SSPN: variants seen among roughly 807,000 people sequenced by gnomAD.
SSPN encodes sarcospan.
In SSPN, 15 loss-of-function variants were observed where a neutral mutation model predicts 19.1. That is an observed-to-expected ratio of 0.78 (90% confidence interval 0.52 to 1.21). The LOEUF is 1.21. Ranked by LOEUF, SSPN falls within the 50% of genes most tolerant of loss-of-function variation. The pLI is 0.00. For missense variants in SSPN, 291 were observed against 314.0 expected, an observed-to-expected ratio of 0.93 and a Z score of 0.55; for synonymous variants, 147 against 140.3, an observed-to-expected ratio of 1.05 and a Z score of -0.34.
intron 1 of SSPN, among the ~76,000 whole-genome samples, chr12:26,137,583 C>A (rs1012161905): frequency 1.4e-5 from 2 of 143,524 alleles, no homozygotes; most frequent in Non-Finnish European, 3.0e-5. Context: ...AAATATGTCA[C>A]TACCTTGAAT....
At chr12:26,195,434 C>A, upstream of SSPN, 1 of 651,612 alleles carries the variant, frequency 1.5e-6, no homozygotes, top group Non-Finnish European at 2.2e-6. Context: ...AAATCCTGCC[C>A]GGGGCCCGGC....
At chr12:26,179,918 G>GTTTTT (rs1944707903) in intron 1 of SSPN, 14 of 69,022 alleles carry the variant, frequency 2.0e-4, no homozygotes, top group Non-Finnish European at 3.4e-4. Flanking sequence ...ATTTAGCTAG[G>GTTTTT]CTTTTTTTTT....
chr12:26,125,293 G>T (rs889996564), intron 1 of SSPN: 3 of 237,170 alleles, frequency 1.3e-5, no homozygotes, highest in Non-Finnish European at 2.5e-5. Context: ...AGGGGGGAGT[G>T]GGGGTGCAGG....
intron 1 of SSPN, among the ~76,000 whole-genome samples, chr12:26,203,243 G>A (rs879156803): frequency 6.6e-6 from 1 of 152,154 alleles, no homozygotes; most frequent in African/African-American, 2.4e-5. Context: ...CTTTAATTAG[G>A]TATAATTCAC....
At position 26,232,099 on chromosome 12, in the gene SSPN, A is replaced by G. The variant is rs1591901477; in HGVS notation, c.*1023A>G. 2.0e-6 allele frequency: 2 copies of G among 985,474 alleles called. No homozygotes were observed. Among genetic ancestry groups the G allele is most frequent in the African/African-American group, 1.7e-5 (1 of 57,376 alleles). The allele number at this position is 985,474 out of a possible 1,614,324, so 61.0% of individuals were successfully genotyped here. A position where few individuals can be genotyped will look rare whatever the true frequency, so the allele number is the denominator to read the frequency against. ...TAGGAAGTGTTTATACAAACAGCAC[A>G]TTTGTGATATGTTGAAAAGCATCTC... On this transcript the variant is annotated 3_prime_UTR_variant, in exon 3 of 3. Transcript: ENST00000242729.
intron 1 of SSPN, among the ~76,000 whole-genome samples, chr12:26,221,088 C>G (rs894748075): frequency 3.3e-5 from 5 of 152,194 alleles, no homozygotes; most frequent in Admixed American, 3.3e-4. Flanking sequence ...TGATCTACTT[C>G]CTGCCTATTG....
At chr12:26,180,977 A>G (rs1944715166) in intron 1 of SSPN, 2 of 152,256 alleles carry the variant, frequency 1.3e-5, no homozygotes, top group Admixed American at 1.3e-4. Flanking sequence ...CAGGAGATTC[A>G]CTAGACTGGC....
chr12:26,158,637 C>T (rs997184832), intron 1 of SSPN, among the ~76,000 whole-genome samples: 20 of 152,242 alleles, frequency 1.3e-4, no homozygotes, highest in African/African-American at 4.3e-4. Flanking sequence ...GCAGATGAGT[C>T]CTGGCTGGGG....
At chr12:26,127,248 C>T (rs763880136) in intron 1 of SSPN, among the ~76,000 whole-genome samples, 4 of 152,198 alleles carry the variant, frequency 2.6e-5, no homozygotes, top group Non-Finnish European at 5.9e-5. Context: ...AAACACAAGG[C>T]AGACATCTGA....
chr12:26,122,180 G>A (rs1300914055), intron 1 of SSPN: 3 of 1,492,838 alleles, frequency 2.0e-6, no homozygotes, highest in African/African-American at 1.4e-5. Context: ...GGTGCTGGGG[G>A]TGCGGCGCCC....
chr12:26,211,270 C>T (rs902328867), intron 1 of SSPN: 2 of 152,062 alleles, frequency 1.3e-5, no homozygotes, highest in Non-Finnish European at 2.9e-5. Context: ...TGAATCTTAA[C>T]CCACATACAC....
At chr12:26,124,167 A>G in intron 1 of SSPN, 1 of 1,597,932 alleles carries the variant, frequency 6.3e-7, no homozygotes, top group South Asian at 1.1e-5. Context: ...CTGTGCGGTA[A>G]TTTGTAGGTA....
At position 26,232,589 on chromosome 12, in the gene SSPN, T is replaced by G. The variant is rs1945244952; in HGVS notation, c.*1513T>G. 1.0e-6 allele frequency: 1 copy of G among 985,308 alleles called. No homozygotes were observed. Among genetic ancestry groups the G allele is most frequent in the Admixed American group, 6.1e-5 (1 of 16,266 alleles). The allele number at this position is 985,308 out of a possible 1,614,324, so 61.0% of individuals were successfully genotyped here. Reference sequence around the variant, plus strand: ...CTAACCTAAAAGGAAAACATTTTCCTGCTTGTCTTAGAAGAAAGTGGAATA... The same window carrying G: ...CTAACCTAAAAGGAAAACATTTTCCGGCTTGTCTTAGAAGAAAGTGGAATA... On this transcript the variant is annotated 3_prime_UTR_variant, in exon 3 of 3. Transcript: ENST00000242729.
At chr12:26,201,049 T>TA (rs1297415530) in intron 1 of SSPN, among the ~76,000 whole-genome samples, 15 of 31,968 alleles carry the variant, frequency 4.7e-4, no homozygotes, top group African/African-American at 1.0e-3. Context: ...ATATATATTA[T>TA]ATATATATAT....
intron 1 of SSPN, among the ~76,000 whole-genome samples, chr12:26,137,996 A>G (rs970271759): frequency 6.6e-6 from 1 of 151,976 alleles, no homozygotes; most frequent in African/African-American, 2.4e-5. Flanking sequence ...GTTGTCCCTC[A>G]GTATCCACAG....
intron 1 of SSPN, among the ~76,000 whole-genome samples, chr12:26,148,017 A>C (rs78990581): frequency 6.6e-6 from 1 of 152,242 alleles, no homozygotes. Context: ...TAAAACAGAC[A>C]TGGCCGGGGA....
chr12:26,206,852 T>G lies in SSPN; in HGVS notation c.279+10901T>G, dbSNP rs550486491. Among the ~76,000 whole-genome samples the G allele has an allele frequency of 5.4e-4, 82 of 152,236 alleles. 1 individual carries two copies. The highest frequency in any genetic ancestry group is 1.1e-3 in the Non-Finnish European group (73 of 68,042). On this transcript the variant is annotated intron_variant, in intron 1 of 2. Transcript: ENST00000242729. ...AATAAGTATTTATAGAACTTGGTGA[T>G]TAGTTTTTGGTAAGTCATCACAAGA...
At chr12:26,123,617 TG>T in intron 1 of SSPN, 1 of 1,598,206 alleles carries the variant, frequency 6.3e-7, no homozygotes, top group African/African-American at 1.3e-5. Context: ...CTGGCCTCCC[TG>T]AACTGACTTA....
chr12:26,209,483 CTCTT>C (rs1944962311), intron 1 of SSPN, among the ~76,000 whole-genome samples: 1 of 151,976 alleles, frequency 6.6e-6, no homozygotes, highest in Non-Finnish European at 1.5e-5. Flanking sequence ...TGTTTCATCT[CTCTT>C]TATCTCTCTG....
Sources: allele counts gnomAD v4.1 joint callset (sites outside exome capture counted in the v4.1 genomes callset), GRCh38; gene constraint gnomAD v4.1.1; transcripts MANE v1.5; gene names NCBI Gene and HGNC (gene_info 2026-07-23, HGNC 2026-07-21).